Variants in LRP1B observed in about 807,000 individuals in gnomAD.
LRP1B encodes the protein LDL receptor related protein 1B, also known as low-density lipoprotein receptor-related protein 1B.
Under a neutral mutation model 556.6 loss-of-function variants are expected in LRP1B, and 217 were observed. That is an observed-to-expected ratio of 0.39 (90% CI 0.35 to 0.44). The LOEUF (loss-of-function observed/expected upper bound fraction) is 0.44. LRP1B is among the 20% of genes least tolerant of loss of function. LRP1B has a pLI of 1.00. For missense variants in LRP1B, 5,053 were observed against 5,620.8 expected (o/e 0.90, Z 3.23); for synonymous variants, 2,047 against 1,865.8 (o/e 1.10, Z -2.50).
At chr2:142,101,337 T>A (rs1706560851) in intron 1 of LRP1B, among the ~76,000 whole-genome samples, 1 of 152,024 alleles carries the variant, frequency 6.6e-6, no homozygotes, top group African/African-American at 2.4e-5. Flanking sequence ...ACACAGGTGA[T>A]CTACATGATT....
Position 141,066,956 on chromosome 2 carries a change from T to C in LRP1B, c.1014-4683A>G, listed in dbSNP as rs370455953. On this transcript the variant is annotated intron_variant, in intron 7 of 90. Transcript: ENST00000389484. The stretch of plus-strand genomic sequence containing the variant: ...GGGTCTGGCAAACCCTCCATGTTTA[T>C]TAATTTATCTTAATGAAGACAACTG... Among the ~76,000 whole-genome samples the C allele has an allele frequency of 4.6e-5, 7 of 152,086 alleles. 1 individual carries two copies. In the East Asian group the frequency reaches 7.8e-4, roughly 17 times the overall value.
At chr2:141,097,256 T>C (rs928013028) in intron 7 of LRP1B, among the ~76,000 whole-genome samples, 7 of 152,236 alleles carry the variant, frequency 4.6e-5, no homozygotes, top group African/African-American at 9.6e-5. Context: ...CAGAAGACTA[T>C]GTTCTTTCAT....
At chr2:140,549,684 C>T (rs1264741213) in intron 43 of LRP1B, among the ~76,000 whole-genome samples, 1 of 152,196 alleles carries the variant, frequency 6.6e-6, no homozygotes, top group Admixed American at 6.5e-5. Flanking sequence ...CAGCTGTCAA[C>T]ACGCTAGGTA....
At chr2:140,714,233 G>A (rs973768014) in intron 37 of LRP1B, among the ~76,000 whole-genome samples, 3 of 152,144 alleles carry the variant, frequency 2.0e-5, no homozygotes, top group African/African-American at 7.2e-5. Context: ...ATTGAAGGCT[G>A]AGGATGACAT....
chr2:141,520,838 C>T (rs922054845), intron 2 of LRP1B, among the ~76,000 whole-genome samples: 2 of 151,854 alleles, frequency 1.3e-5, no homozygotes, highest in African/African-American at 2.4e-5. Context: ...TTGCTATTGT[C>T]GCCCAGCTGC....
At chr2:141,907,380 T>G (rs1247443827) in intron 1 of LRP1B, among the ~76,000 whole-genome samples, 1 of 152,018 alleles carries the variant, frequency 6.6e-6, no homozygotes, top group Non-Finnish European at 1.5e-5. Flanking sequence ...TAAATCTAAA[T>G]GTGAATATAA....
intron 35 of LRP1B, among the ~76,000 whole-genome samples, chr2:140,758,009 G>A (rs767331864): frequency 6.6e-6 from 1 of 152,058 alleles, no homozygotes; most frequent in Non-Finnish European, 1.5e-5. Context: ...TATTAATGAT[G>A]GCTGCACAAC....
intron 7 of LRP1B, among the ~76,000 whole-genome samples, chr2:141,135,275 T>C (rs1243613172): frequency 1.3e-5 from 2 of 151,998 alleles, no homozygotes; most frequent in African/African-American, 4.8e-5. Flanking sequence ...ATGGAAATCT[T>C]TTCTGTAGAA....
intron 7 of LRP1B, among the ~76,000 whole-genome samples, chr2:141,136,025 TATTA>T (rs1431787417): frequency 2.0e-4 from 31 of 151,938 alleles, no homozygotes; most frequent in Non-Finnish European, 7.4e-5. Flanking sequence ...GAGTGGACTA[TATTA>T]ATTGTTACTG....
At chr2:141,908,759 A>G (rs1699827867) in intron 1 of LRP1B, among the ~76,000 whole-genome samples, 1 of 152,112 alleles carries the variant, frequency 6.6e-6, no homozygotes, top group African/African-American at 2.4e-5. Flanking sequence ...GTTATCAAAT[A>G]TCAACTGAAA....
At chr2:141,782,538 G>T in intron 2 of LRP1B, among the ~76,000 whole-genome samples, 2 of 77,092 alleles carry the variant, frequency 2.6e-5, no homozygotes, top group Admixed American at 1.5e-4. Flanking sequence ...TTTTTTGGTA[G>T]CATAATGCTC....
intron 2 of LRP1B, among the ~76,000 whole-genome samples, chr2:141,623,971 C>T (rs1189834746): frequency 1.4e-5 from 2 of 140,980 alleles, no homozygotes; most frequent in Non-Finnish European, 3.0e-5. Context: ...GCCGAGATCG[C>T]ACCACCGCAC....
intron 7 of LRP1B, among the ~76,000 whole-genome samples, chr2:141,142,075 A>C (rs1701666838): frequency 9.0e-6 from 1 of 111,336 alleles, no homozygotes; most frequent in Admixed American, 1.0e-4. Context: ...AAAGGCATCA[A>C]CAATCTGGTA....
chr2:141,021,820 C>T (rs1698071844), intron 11 of LRP1B, among the ~76,000 whole-genome samples: 1 of 151,930 alleles, frequency 6.6e-6, no homozygotes, highest in Non-Finnish European at 1.5e-5. Context: ...TGAAGATTAT[C>T]ATAGCACCTA....
At chr2:141,334,166 G>A (rs1573820553) in intron 3 of LRP1B, among the ~76,000 whole-genome samples, 1 of 152,126 alleles carries the variant, frequency 6.6e-6, no homozygotes, top group Admixed American at 6.5e-5. Context: ...ATATGGTTTG[G>A]CTCTGTGTCC....
intron 2 of LRP1B, among the ~76,000 whole-genome samples, chr2:141,538,255 C>G (rs781643651): frequency 6.6e-6 from 1 of 151,908 alleles, no homozygotes; most frequent in Non-Finnish European, 1.5e-5. Context: ...TCAAACAGCA[C>G]AAAGAGGAGA....
At chr2:141,273,270 C>A (rs975382359) in intron 3 of LRP1B, among the ~76,000 whole-genome samples, 11 of 151,866 alleles carry the variant, frequency 7.2e-5, no homozygotes, top group Admixed American at 1.3e-4. Flanking sequence ...GATCATACCA[C>A]TGCACTCCAG....
intron 3 of LRP1B, among the ~76,000 whole-genome samples, chr2:141,445,812 T>C (rs1197832717): frequency 1.3e-5 from 2 of 152,224 alleles, no homozygotes; most frequent in African/African-American, 2.4e-5. Flanking sequence ...TTCTTTCTCA[T>C]TTGCTGAGGA....
intron 42 of LRP1B, among the ~76,000 whole-genome samples, chr2:140,600,682 C>T (rs2105194854): frequency 1.4e-5 from 2 of 146,708 alleles, no homozygotes; most frequent in Middle Eastern, 7.1e-3. Context: ...TTATAGTTAA[C>T]AAACAACTTT....
Sources: allele counts gnomAD v4.1 joint callset (sites outside exome capture counted in the v4.1 genomes callset), GRCh38; gene constraint gnomAD v4.1.1; transcripts MANE v1.5; gene names NCBI Gene and HGNC (gene_info 2026-07-23, HGNC 2026-07-21).